The following ERFL variants were observed in gnomAD, a reference collection of about 807,000 sequenced individuals.
ERFL encodes ETS domain-containing transcription factor ERF-like.
A neutral mutation model predicts 27.9 loss-of-function variants in ERFL; 8 were observed. The observed-to-expected ratio is 0.29, with a 90% confidence interval of 0.17 to 0.52. The LOEUF (loss-of-function observed/expected upper bound fraction) is 0.52. Among genes scored for constraint, ERFL ranks in the 20% least tolerant of loss-of-function variants. The probability of loss-of-function intolerance (pLI) is 0.97; values close to 1 mark genes in which losing one functional copy is unlikely to be tolerated. For synonymous variants in ERFL, 174 were observed against 202.8 expected (o/e 0.86, Z 1.21); for missense variants, 294 against 444.4 (o/e 0.66, Z 3.04).
At position 41,921,102 on chromosome 19, in the gene ERFL, C is replaced by T. The variant is rs556359723; in HGVS notation, c.-14+6938G>A. On this transcript the variant is annotated intron_variant, in intron 1 of 5. Coordinates refer to ENST00000597630, the MANE Select transcript of ERFL (RefSeq NM_001365103.2). The surrounding 1 kb of genome is among the most constrained non-coding windows in gnomAD (Gnocchi z 4.4). ...GTGGGAGCCGCAGTGCCACGCACCC[C>T]GCCTACCAAACAGCTCTGGGGGAGG... Among the ~76,000 whole-genome samples the T allele has an allele frequency of 3.9e-4, 60 of 152,252 alleles. No homozygotes were observed. Among genetic ancestry groups the T allele is most frequent in the African/African-American group, 1.3e-3 (56 of 41,526 alleles).
At position 41,914,561 on chromosome 19, in the gene ERFL, C is replaced by T. The variant is rs1285980920; in HGVS notation, c.-13-1629G>A. Among the ~76,000 whole-genome samples the T allele has an allele frequency of 3.7e-5, 3 of 80,102 alleles. 1 individual carries two copies. The East Asian group carries it at 1.8e-3, about 47-fold the overall frequency. 52.6% of individuals were successfully genotyped at this position (80,102 alleles called of 152,430 possible). Reference sequence around the variant, plus strand: ...CTATCCGTCTTTCCCTCCCCTTCCACCATCTCTGTCTCCGTCTCTCCCTCC... The same window carrying T: ...CTATCCGTCTTTCCCTCCCCTTCCATCATCTCTGTCTCCGTCTCTCCCTCC... On this transcript the variant is annotated intron_variant, in intron 1 of 5. Transcript: ENST00000597630.
chr19:41,914,105 C>T (rs2074771541), intron 1 of ERFL, among the ~76,000 whole-genome samples: 1 of 104,994 alleles, frequency 9.5e-6, no homozygotes, highest in African/African-American at 3.9e-5. Flanking sequence ...CAAAACTTTT[C>T]AGACACCCCA....
intron 2 of ERFL, among the ~76,000 whole-genome samples, chr19:41,911,241 C>T (rs1323918457): frequency 2.6e-5 from 4 of 152,184 alleles, no homozygotes; most frequent in Non-Finnish European, 5.9e-5. Flanking sequence ...ATCTCATCTC[C>T]CATGCAGAAG....
At chr19:41,926,829 A>T (rs964512007) in intron 1 of ERFL, among the ~76,000 whole-genome samples, 1 of 152,148 alleles carries the variant, frequency 6.6e-6, no homozygotes, top group Non-Finnish European at 1.5e-5. Flanking sequence ...AGAAAATTCG[A>T]TCCTGGGCCT....
chr19:41,922,296 A>G (rs1034156943), intron 1 of ERFL, among the ~76,000 whole-genome samples: 10 of 152,188 alleles, frequency 6.6e-5, no homozygotes, highest in African/African-American at 2.4e-4. Context: ...GCAGGGAATC[A>G]GGGAGACAGA....
chr19:41,910,497 A>T lies in ERFL; in HGVS notation c.68-400T>A, dbSNP rs887333515. 3.9e-5 allele frequency among the ~76,000 whole-genome samples: 6 copies of T among 151,914 alleles called. No homozygotes were observed. Among genetic ancestry groups the T allele is most frequent in the Non-Finnish European group, 8.8e-5 (6 of 67,956 alleles). ...CCCTAGGAGGTCTCTAGTCTCTTGT[A>T]CCCTGCGGTGCCCTCAGCTCTTACT... On this transcript the variant is annotated intron_variant, in intron 2 of 5. Transcript: ENST00000597630. The surrounding 1 kb of genome is among the most constrained non-coding windows in gnomAD (Gnocchi z 4.4).
rs1555851733 is a variant in ERFL, at chr19:41,914,856, C to CT, written c.-13-1925_-13-1924insA. 1.9e-4 allele frequency among the ~76,000 whole-genome samples: 3 copies of CT among 15,866 alleles called. 1 individual carries two copies. Among genetic ancestry groups the CT allele is most frequent in the African/African-American group, 1.4e-3 (3 of 2,214 alleles). The allele number at this position is 15,866 out of a possible 152,430, so 10.4% of individuals were successfully genotyped here. Reference sequence around the variant, plus strand: ...TTTCCACCGTCTCTGTCTCTCCCCCCCTCCACCATCTCTGTCTCTCCCTCC... The same window carrying CT: ...TTTCCACCGTCTCTGTCTCTCCCCCCTCTCCACCATCTCTGTCTCTCCCTCC... On this transcript the variant is annotated intron_variant, in intron 1 of 5. Coordinates refer to ENST00000597630, the MANE Select transcript of ERFL (RefSeq NM_001365103.2).
At chr19:41,914,428 A>C (rs2074774544) in intron 1 of ERFL, among the ~76,000 whole-genome samples, 1 of 144,970 alleles carries the variant, frequency 6.9e-6, no homozygotes, top group African/African-American at 2.6e-5. Flanking sequence ...TCCACCCCTC[A>C]GTCTCTTCCC....
intron 1 of ERFL, among the ~76,000 whole-genome samples, chr19:41,913,948 A>T (rs1346779865): frequency 7.3e-6 from 1 of 136,908 alleles, no homozygotes; most frequent in Non-Finnish European, 1.6e-5. Flanking sequence ...CTTCCTGGAG[A>T]CCCCCCAGAC....
At position 41,921,038 on chromosome 19, in the gene ERFL, G is replaced by C. The variant is rs1555852442; in HGVS notation, c.-14+7002C>G. ...GCTGCGGACAGCAGCGCTCCGAATG[G>C]TGTCAGTTGAGGGGTGGCGAGGGAG... is the stretch of plus-strand genomic sequence containing the variant. On this transcript the variant is annotated intron_variant, in intron 1 of 5. Coordinates refer to ENST00000597630, the MANE Select transcript of ERFL (RefSeq NM_001365103.2). The surrounding 1 kb of genome is among the most constrained non-coding windows in gnomAD (Gnocchi z 4.4). Among the ~76,000 whole-genome samples the C allele has an allele frequency of 6.6e-6, 1 of 152,362 alleles. No individual in the cohort carries two copies. The highest frequency in any genetic ancestry group is 1.9e-4 in the East Asian group (1 of 5,178).
Position 41,921,346 on chromosome 19 carries a change from G to A in ERFL, c.-14+6694C>T, listed in dbSNP as rs2074841279. ...GAGAACTGAGAGGAAGCAGGAGTGA[G>A]ACACGGAGGGAGATGGAGGGGGATA... On this transcript the variant is annotated intron_variant, in intron 1 of 5. Coordinates refer to ENST00000597630, the MANE Select transcript of ERFL (RefSeq NM_001365103.2). The surrounding 1 kb of genome is among the most constrained non-coding windows in gnomAD (Gnocchi z 4.4). Among the ~76,000 whole-genome samples, 1 of 152,166 alleles carries A rather than the reference G, an allele frequency of 6.6e-6. No homozygotes were observed.
Position 41,917,924 on chromosome 19 carries a change from CTG to C in ERFL, c.-13-4994_-13-4993del, listed in dbSNP as rs139810296. On this transcript the variant is annotated intron_variant, in intron 1 of 5. Coordinates refer to ENST00000597630, the MANE Select transcript of ERFL (RefSeq NM_001365103.2). The surrounding 1 kb of genome is among the most constrained non-coding windows in gnomAD (Gnocchi z 4.8). ...GAAGCCAGCTCCCCGCGGTCACACA[CTG>C]TGTGTGTGTGTGCTCACACACCTGT... Among the ~76,000 whole-genome samples, 2 of 151,790 alleles carry C rather than the reference CTG, an allele frequency of 1.3e-5. No individual in the cohort carries two copies. The highest frequency in any genetic ancestry group is 2.9e-5 in the Non-Finnish European group (2 of 67,916).
At position 41,908,417 on chromosome 19, in the gene ERFL, G is replaced by C; in HGVS notation, c.876C>G (p.Gly292=). ...GEGLGPERPS[G]LAAAPRLALP... is the part of the protein sequence containing the mutation. ...GCGCCAGGCGAGGGGCCGCTGCCAGGCCCGAGGGGCGCTCGGGGCCCAGGC... is the reference window on the plus strand; with the variant it reads ...GCGCCAGGCGAGGGGCCGCTGCCAGCCCCGAGGGGCGCTCGGGGCCCAGGC... The change falls in exon 6 of 6, where the codon GGC becomes GGG. Residue 292 remains glycine, a synonymous_variant. Coordinates refer to ENST00000597630, the MANE Select transcript of ERFL (RefSeq NM_001365103.2). This position sits in a 1 kb window ranked among gnomAD's most constrained non-coding sequence, Gnocchi z 6.7. The C allele has an allele frequency of 8.1e-7, 1 of 1,231,212 alleles. No individual in the cohort carries two copies. The highest frequency in any genetic ancestry group is 1.0e-6 in the Non-Finnish European group (1 of 987,618). The allele number at this position is 1,231,212 out of a possible 1,614,324, so 76.3% of individuals were successfully genotyped here. A position where few individuals can be genotyped will look rare whatever the true frequency, so the allele number is the denominator to read the frequency against.
At chr19:41,927,491 C>T (rs1277860126) in intron 1 of ERFL, among the ~76,000 whole-genome samples, 1 of 152,120 alleles carries the variant, frequency 6.6e-6, no homozygotes, top group African/African-American at 2.4e-5. Context: ...TGCTGATCCC[C>T]AGTCCCAGAT....
At chr19:41,918,181 G>A (rs927805406) in intron 1 of ERFL, among the ~76,000 whole-genome samples, 2 of 151,636 alleles carry the variant, frequency 1.3e-5, no homozygotes, top group South Asian at 2.1e-4. Flanking sequence ...TGCCTGGGGT[G>A]TACACATACC....
rs1419435292 is a variant in ERFL at position 41,921,963 on chromosome 19, A to G, written c.-14+6077T>C. On this transcript the variant is annotated intron_variant, in intron 1 of 5. Transcript: ENST00000597630. This position sits in a 1 kb window ranked among gnomAD's most constrained non-coding sequence, Gnocchi z 4.4. ...CCTCTCCTCCTGGTCCTCATCCCCAACTCCCACCCCTTCCCCACCCTTGCC... is the reference window on the plus strand; with the variant it reads ...CCTCTCCTCCTGGTCCTCATCCCCAGCTCCCACCCCTTCCCCACCCTTGCC... Among the ~76,000 whole-genome samples, 1 of 141,466 alleles carries G rather than the reference A, an allele frequency of 7.1e-6. No individual in the cohort carries two copies. Among genetic ancestry groups the G allele is most frequent in the Non-Finnish European group, 1.5e-5 (1 of 65,160 alleles). The allele number at this position is 141,466 out of a possible 152,430, so 92.8% of individuals were successfully genotyped here.
intron 1 of ERFL, among the ~76,000 whole-genome samples, chr19:41,922,706 T>C (rs906745071): frequency 2.0e-5 from 3 of 150,902 alleles, no homozygotes; most frequent in Non-Finnish European, 2.9e-5. Context: ...CCACCAGGGA[T>C]CCCACAAGGG....
rs60744864 is a variant in ERFL at position 41,917,695 on chromosome 19, G to A, written c.-13-4763C>T. ...TGACTGCACCCACCCATGGCCACACGTTCAGGCACAATCTGGGGACATATC... is the reference window on the plus strand; with the variant it reads ...TGACTGCACCCACCCATGGCCACACATTCAGGCACAATCTGGGGACATATC... On this transcript the variant is annotated intron_variant, in intron 1 of 5. Transcript: ENST00000597630. This position sits in a 1 kb window ranked among gnomAD's most constrained non-coding sequence, Gnocchi z 4.8. 0.22 allele frequency among the ~76,000 whole-genome samples: 33,937 copies of A among 151,352 alleles called. 7,602 individuals are homozygous for A. The highest frequency in any genetic ancestry group is 0.58 in the African/African-American group (23,931 of 41,128).
chr19:41,922,342 A>G (rs1433993689), intron 1 of ERFL, among the ~76,000 whole-genome samples: 1 of 152,192 alleles, frequency 6.6e-6, no homozygotes, highest in African/African-American at 2.4e-5. Context: ...CAGGAGATCA[A>G]GGGACAGAAA....
Sources: allele counts gnomAD v4.1 joint callset (sites outside exome capture counted in the v4.1 genomes callset), GRCh38; gene constraint gnomAD v4.1.1; non-coding constraint Gnocchi (gnomAD v3.1); transcripts MANE v1.5; gene names NCBI Gene and HGNC (gene_info 2026-07-23, HGNC 2026-07-21).